Variants in NLGN4X observed in about 807,000 individuals in gnomAD.
NLGN4X encodes neuroligin-4, X-linked.
In NLGN4X, 3 loss-of-function variants were observed where a neutral mutation model predicts 40.3. That is an observed-to-expected ratio of 0.07 (90% CI 0.03 to 0.19). The LOEUF is 0.19. Ranked by LOEUF, NLGN4X falls within the 10% of genes least tolerant of loss-of-function variation. The probability of loss-of-function intolerance (pLI) is 1.00; values close to 1 mark genes in which losing one functional copy is unlikely to be tolerated. For missense variants in NLGN4X, 382 were observed against 708.3 expected, an observed-to-expected ratio of 0.54 and a Z score of 5.23; for synonymous variants, 270 against 306.8, an observed-to-expected ratio of 0.88 and a Z score of 1.25.
intron 2 of NLGN4X, among the ~76,000 whole-genome samples, chrX:6,066,611 C>A (rs1176666349): frequency 9.1e-6 from 1 of 110,488 alleles, no homozygotes; most frequent in Non-Finnish European, 1.9e-5. Flanking sequence ...TAGTGAAATC[C>A]TGTCTCTACT....
At chrX:6,227,613 C>G (rs1033089701) in intron 1 of NLGN4X, 6 of 110,913 alleles carry the variant, frequency 5.4e-5, no homozygotes, top group Admixed American at 3.8e-4. Context: ...CCTTCCCACC[C>G]GCCTCGAAAC....
At chrX:5,928,232 T>G (rs758985416) in intron 3 of NLGN4X, among the ~76,000 whole-genome samples, 1 of 112,711 alleles carries the variant, frequency 8.9e-6, no homozygotes, top group South Asian at 3.6e-4. Context: ...AGGCTTATCT[T>G]CCAAAGCCAT....
intron 1 of NLGN4X, among the ~76,000 whole-genome samples, chrX:6,200,687 C>CTTTTTTTTTTTTCT (rs1923515072): frequency 1.3e-4 from 7 of 55,558 alleles, no homozygotes; most frequent in African/African-American, 6.1e-4. Context: ...CTTTCCTTTT[C>CTTTTTTTTTTTTCT]TTTTTTTTTT....
At chrX:6,017,779 G>A in intron 3 of NLGN4X, among the ~76,000 whole-genome samples, 1 of 111,595 alleles carries the variant, frequency 9.0e-6, no homozygotes, top group Non-Finnish European at 1.9e-5. Context: ...ACAATCACAA[G>A]GGCAAACAAC....
At chrX:6,150,416 G>C (rs759747266) in intron 2 of NLGN4X, among the ~76,000 whole-genome samples, 1 of 111,914 alleles carries the variant, frequency 8.9e-6, no homozygotes, top group South Asian at 3.7e-4. Context: ...TGATTGCAGC[G>C]AATATTGGAA....
chrX:5,994,660 C>T (rs770820941), intron 3 of NLGN4X, among the ~76,000 whole-genome samples: 9 of 112,004 alleles, frequency 8.0e-5, no homozygotes, highest in Admixed American at 1.9e-4. Flanking sequence ...AGGACCATAA[C>T]GATATCGCTT....
chrX:5,993,269 C>T (rs1372705418), intron 3 of NLGN4X, among the ~76,000 whole-genome samples: 1 of 110,913 alleles, frequency 9.0e-6, no homozygotes, highest in Non-Finnish European at 1.9e-5. Context: ...GTCAAATGTC[C>T]CTTGGAGAGG....
chrX:6,057,181 T>G (rs1230891129), intron 2 of NLGN4X, among the ~76,000 whole-genome samples: 1 of 111,972 alleles, frequency 8.9e-6, no homozygotes, highest in Non-Finnish European at 1.9e-5. Flanking sequence ...AAAAGGAGTT[T>G]CATAATGTTG....
intron 2 of NLGN4X, among the ~76,000 whole-genome samples, chrX:6,073,238 A>AT (rs951294001): frequency 5.4e-5 from 6 of 111,816 alleles, no homozygotes; most frequent in African/African-American, 2.0e-4. Flanking sequence ...TGATATCCAT[A>AT]TTTTATTTCC....
chrX:6,077,069 C>A (rs2038216705), intron 2 of NLGN4X, among the ~76,000 whole-genome samples: 1 of 111,983 alleles, frequency 8.9e-6, no homozygotes, highest in Non-Finnish European at 1.9e-5. Context: ...TTCATTCCTA[C>A]ATGCATTTTA....
intron 2 of NLGN4X, chrX:6,061,669 A>G (rs2037775112): frequency 9.0e-6 from 1 of 111,428 alleles, no homozygotes; most frequent in Admixed American, 9.6e-5. Context: ...TTCAATCTCA[A>G]CTGCCACAAT....
chrX:6,125,395 A>T (rs1439963055), intron 2 of NLGN4X, among the ~76,000 whole-genome samples: 1 of 97,621 alleles, frequency 1.0e-5, no homozygotes, highest in Non-Finnish European at 2.1e-5. Flanking sequence ...GGCAAGACTG[A>T]CCAAGGAAGA....
Position 6,222,581 on chromosome X carries a change from G to C in NLGN4X, c.-306+5960C>G, listed in dbSNP as rs147662795. 2.1e-3 allele frequency among the ~76,000 whole-genome samples: 234 copies of C among 112,194 alleles called. 2 individuals are homozygous for C. Among genetic ancestry groups the C allele is most frequent in the African/African-American group, 7.2e-3 (223 of 30,907 alleles). ...CTTTGAAATGTATTCCTCAACTAAT[G>C]AGGACCTAAATGTTCATTGTACTTC... On this transcript the variant is annotated intron_variant, in intron 1 of 5. Transcript: ENST00000381095.
At chrX:6,067,291 A>G (rs1049455149) in intron 2 of NLGN4X, among the ~76,000 whole-genome samples, 3 of 111,003 alleles carry the variant, frequency 2.7e-5, no homozygotes, top group African/African-American at 9.8e-5. Flanking sequence ...TACTCCTTAC[A>G]TTCTTCAGAG....
At chrX:5,976,792 C>A (rs2035190182) in intron 3 of NLGN4X, among the ~76,000 whole-genome samples, 1 of 112,869 alleles carries the variant, frequency 8.9e-6, no homozygotes, top group African/African-American at 3.2e-5. Flanking sequence ...TCTGTCCATG[C>A]CCCTTGACCA....
chrX:6,095,658 G>A (rs2038753517), intron 2 of NLGN4X, among the ~76,000 whole-genome samples: 1 of 112,128 alleles, frequency 8.9e-6, no homozygotes, highest in Admixed American at 9.4e-5. Flanking sequence ...TTACCATACT[G>A]GTGCTCAATG....
intron 2 of NLGN4X, among the ~76,000 whole-genome samples, chrX:6,096,405 T>C (rs1432350056): frequency 1.8e-5 from 2 of 111,677 alleles, no homozygotes; most frequent in African/African-American, 6.5e-5. Flanking sequence ...AAAAATGCAC[T>C]CTATAATGCC....
intron 2 of NLGN4X, among the ~76,000 whole-genome samples, chrX:6,045,257 G>A (rs2037288939): frequency 8.9e-6 from 1 of 112,070 alleles, no homozygotes; most frequent in Non-Finnish European, 1.9e-5. Flanking sequence ...AGGTGAGACT[G>A]TCAATAGAAA....
At chrX:5,911,802 A>G (rs1019707904) in intron 3 of NLGN4X, among the ~76,000 whole-genome samples, 1 of 111,850 alleles carries the variant, frequency 8.9e-6, no homozygotes, top group African/African-American at 3.3e-5. Flanking sequence ...TGACCTAACC[A>G]ACTCCATCTT....
Sources: gnomAD v4.1 joint callset for allele counts (sites outside exome capture counted in the v4.1 genomes callset) on GRCh38, gnomAD v4.1.1 for gene constraint, MANE v1.5 for transcripts, NCBI Gene and HGNC (gene_info 2026-07-23, HGNC 2026-07-21) for gene names.